Variants in SIDT1 observed in about 807,000 individuals in gnomAD.
The protein encoded by SIDT1 is SID1 transmembrane family member 1.
SIDT1 carries 101 observed loss-of-function variants against 107.5 expected under a neutral mutation model. The observed-to-expected ratio is 0.94, with a 90% CI of 0.80 to 1.11. The LOEUF is 1.11. Ranked by LOEUF, SIDT1 falls within the 50% of genes least tolerant of loss-of-function variation. The pLI, the probability that SIDT1 is intolerant of heterozygous loss-of-function variation, is 0.00. For missense variants in SIDT1, 1,076 were observed against 1,058.2 expected (o/e 1.02, Z -0.23); for synonymous variants, 395 against 398.2 (o/e 0.99, Z 0.10).
At chr3:113,575,586 G>T (rs1351567145) in intron 3 of SIDT1, among the ~76,000 whole-genome samples, 1 of 152,226 alleles carries the variant, frequency 6.6e-6, no homozygotes, top group African/African-American at 2.4e-5. Context: ...TATGATTTCT[G>T]TTGCAAGTAG....
At chr3:113,588,461 C>T (rs937881860) in intron 9 of SIDT1, among the ~76,000 whole-genome samples, 6 of 152,198 alleles carry the variant, frequency 3.9e-5, no homozygotes, top group Admixed American at 2.6e-4. Flanking sequence ...AACCCTATTA[C>T]GAATACCTAT....
intron 1 of SIDT1, among the ~76,000 whole-genome samples, chr3:113,563,265 G>GC (rs1941597791): frequency 6.6e-6 from 1 of 152,204 alleles, no homozygotes. Flanking sequence ...TAACTGGAGA[G>GC]CCAAATGAAG....
intron 1 of SIDT1, among the ~76,000 whole-genome samples, chr3:113,560,374 T>C (rs1941316438): frequency 6.6e-6 from 1 of 152,250 alleles, no homozygotes; most frequent in Non-Finnish European, 1.5e-5. Context: ...TTTTTCCATT[T>C]GTCTTTCTGA....
chr3:113,571,022 TC>T (rs921946016), intron 3 of SIDT1, among the ~76,000 whole-genome samples: 31 of 152,362 alleles, frequency 2.0e-4, no homozygotes, highest in African/African-American at 6.5e-4. Context: ...AGTTCTGCGC[TC>T]TTCTCGCCAT....
rs757908871 is a variant in SIDT1 at position 113,581,445 on chromosome 3, G to A, written c.747+1G>A. On this transcript the variant is annotated splice_donor_variant, in intron 6 of 24. Coordinates refer to ENST00000264852, the MANE Select transcript of SIDT1 (RefSeq NM_017699.3). LOFTEE classifies it high-confidence loss of function. Reference sequence around the variant, plus strand: ...CAAGAAAGCTGCCATCACGCTACAGGTGAGGCATTGCTTCTGTGGGCATTA... The same window carrying A: ...CAAGAAAGCTGCCATCACGCTACAGATGAGGCATTGCTTCTGTGGGCATTA... 4.3e-6 allele frequency: 7 copies of A among 1,609,944 alleles called. No homozygotes were observed. The highest frequency in any genetic ancestry group is 6.0e-6 in the Non-Finnish European group (7 of 1,176,336).
intron 3 of SIDT1, among the ~76,000 whole-genome samples, chr3:113,568,807 C>G (rs755621656): frequency 2.0e-5 from 3 of 151,830 alleles, no homozygotes; most frequent in Non-Finnish European, 4.4e-5. Flanking sequence ...TATTGCTATA[C>G]CCAACAACAT....
chr3:113,601,405 A>T (rs949027043), intron 10 of SIDT1, 183 bp from the exon 11 acceptor site: 7 of 499,686 alleles, frequency 1.4e-5, no homozygotes, highest in Middle Eastern at 4.1e-4. Flanking sequence ...TTGAAGAGCC[A>T]TACAGAAACA....
chr3:113,558,717 A>C (rs1339420450), intron 1 of SIDT1, among the ~76,000 whole-genome samples: 1 of 152,178 alleles, frequency 6.6e-6, no homozygotes, highest in African/African-American at 2.4e-5. Context: ...CCCTAATAAG[A>C]GTCATTAAAT....
At chr3:113,619,507 T>C (rs889892358) in intron 20 of SIDT1, among the ~76,000 whole-genome samples, 173 bp from the exon 21 acceptor site, 1 of 152,218 alleles carries the variant, frequency 6.6e-6, no homozygotes, top group Non-Finnish European at 1.5e-5. Context: ...AGCCTTGCCA[T>C]TTAGTCTTTG....
intron 19 of SIDT1, among the ~76,000 whole-genome samples, chr3:113,613,899 T>C (rs533091716): frequency 6.6e-6 from 1 of 152,254 alleles, no homozygotes; most frequent in Non-Finnish European, 1.5e-5. Context: ...ATGGAATAAT[T>C]TGTTAGGGTC....
At chr3:113,533,810 G>C (rs759177597) in intron 1 of SIDT1, among the ~76,000 whole-genome samples, 12 of 152,182 alleles carry the variant, frequency 7.9e-5, no homozygotes, top group Admixed American at 7.9e-4. Context: ...CTTCAGAGAC[G>C]CCAGAAGACC....
At chr3:113,576,458 T>C (rs1296422748) in intron 3 of SIDT1, among the ~76,000 whole-genome samples, 1 of 152,136 alleles carries the variant, frequency 6.6e-6, no homozygotes, top group East Asian at 1.9e-4. Context: ...ATTCACTGTG[T>C]TTGGTAAAAG....
chr3:113,575,991 C>T (rs1238626833), intron 3 of SIDT1, among the ~76,000 whole-genome samples: 2 of 152,160 alleles, frequency 1.3e-5, no homozygotes, highest in Non-Finnish European at 2.9e-5. Context: ...GACTTGTGTG[C>T]ATGATCTTCA....
chr3:113,568,542 C>G (rs1359021934), intron 3 of SIDT1, among the ~76,000 whole-genome samples: 3 of 148,920 alleles, frequency 2.0e-5, no homozygotes, highest in South Asian at 4.3e-4. Flanking sequence ...TGCAGTGAGC[C>G]GAGATCGCGC....
chr3:113,533,817 G>A (rs1466520780), intron 1 of SIDT1, among the ~76,000 whole-genome samples: 1 of 152,188 alleles, frequency 6.6e-6, no homozygotes. Context: ...GACGCCAGAA[G>A]ACCTGGGCAA....
At chr3:113,603,594 C>A (rs1945117137) in intron 12 of SIDT1, among the ~76,000 whole-genome samples, 1 of 152,044 alleles carries the variant, frequency 6.6e-6, no homozygotes, top group South Asian at 2.1e-4. Flanking sequence ...CAGTTTCAGC[C>A]CTATGTAGTT....
chr3:113,556,804 G>A (rs1264218564), intron 1 of SIDT1, among the ~76,000 whole-genome samples: 1 of 144,402 alleles, frequency 6.9e-6, no homozygotes, highest in African/African-American at 2.6e-5. Context: ...TGATTGGTAT[G>A]CCCTAAGTTT....
chr3:113,550,634 C>T (rs764977594), intron 1 of SIDT1, among the ~76,000 whole-genome samples: 14 of 151,900 alleles, frequency 9.2e-5, no homozygotes, highest in African/African-American at 1.7e-4. Context: ...TTTTGTCCAT[C>T]GCTAAAAGAA....
intron 1 of SIDT1, among the ~76,000 whole-genome samples, chr3:113,550,823 G>A (rs567111088): frequency 9.9e-5 from 15 of 152,200 alleles, no homozygotes; most frequent in African/African-American, 3.4e-4. Context: ...ATGGGGCTTT[G>A]TTGTACAGAT....
Sources: gnomAD v4.1 joint callset for allele counts (sites outside exome capture counted in the v4.1 genomes callset) on GRCh38, gnomAD v4.1.1 for gene constraint, MANE v1.5 for transcripts, NCBI Gene and HGNC (gene_info 2026-07-23, HGNC 2026-07-21) for gene names.